The following TMEM132D variants were observed in gnomAD, a reference collection of about 807,000 sequenced individuals.
TMEM132D encodes the protein mature OL transmembrane protein.
In TMEM132D, 21 loss-of-function variants were observed where a neutral mutation model predicts 62.3. The ratio of observed to expected loss-of-function variants is 0.34; its 90% CI spans 0.24 to 0.49. The LOEUF is 0.49. Among genes scored for constraint, TMEM132D ranks in the 20% least tolerant of loss-of-function variants. The probability of loss-of-function intolerance (pLI) is 0.99; values close to 1 mark genes in which losing one functional copy is unlikely to be tolerated. For missense variants in TMEM132D, 1,346 were observed against 1,402.8 expected (o/e 0.96, Z 0.65); for synonymous variants, 621 against 575.6 (o/e 1.08, Z -1.13).
intron 5 of TMEM132D, among the ~76,000 whole-genome samples, chr12:129,097,230 G>A (rs937833374): frequency 5.9e-5 from 9 of 152,220 alleles, no homozygotes; most frequent in East Asian, 1.9e-4. Context: ...CAGCGGTGAC[G>A]ACCAACAGTG....
At chr12:129,533,950 G>T (rs1385133598) in intron 2 of TMEM132D, among the ~76,000 whole-genome samples, 1 of 152,202 alleles carries the variant, frequency 6.6e-6, no homozygotes, top group African/African-American at 2.4e-5. Context: ...TCATTCTTCG[G>T]AGATGTAGAC....
At chr12:129,464,111 T>C (rs1488701454) in intron 3 of TMEM132D, among the ~76,000 whole-genome samples, 1 of 149,512 alleles carries the variant, frequency 6.7e-6, no homozygotes, top group African/African-American at 2.5e-5. Flanking sequence ...AGTGTTCCTA[T>C]TTCTCCACAT....
At chr12:129,494,079 C>T (rs1319580552) in intron 3 of TMEM132D, among the ~76,000 whole-genome samples, 1 of 152,156 alleles carries the variant, frequency 6.6e-6, no homozygotes, top group Non-Finnish European at 1.5e-5. Context: ...TCCACGAACA[C>T]ACGCTCATCC....
At chr12:129,332,893 T>C (rs1048060753) in intron 4 of TMEM132D, among the ~76,000 whole-genome samples, 2 of 152,150 alleles carry the variant, frequency 1.3e-5, no homozygotes, top group Non-Finnish European at 2.9e-5. Context: ...TTGTGTTTAG[T>C]AGCTATAGTT....
intron 2 of TMEM132D, among the ~76,000 whole-genome samples, chr12:129,576,533 T>A (rs10773684): frequency 0.42 from 64,135 of 151,510 alleles, 15,130 homozygotes; most frequent in East Asian, 0.57. Flanking sequence ...TGTACATATA[T>A]CTGTTTACAT....
At chr12:129,687,451 G>A (rs1365223068) in intron 2 of TMEM132D, among the ~76,000 whole-genome samples, 1 of 152,042 alleles carries the variant, frequency 6.6e-6, no homozygotes. Context: ...CTGAGGAGGG[G>A]TAGTAGTTGT....
At chr12:129,484,362 G>A (rs1379486226) in intron 3 of TMEM132D, among the ~76,000 whole-genome samples, 1 of 152,178 alleles carries the variant, frequency 6.6e-6, no homozygotes, top group African/African-American at 2.4e-5. Flanking sequence ...ACTTGTCCAA[G>A]GGTAACTTTA....
At chr12:129,404,069 G>A (rs1871699130) in intron 3 of TMEM132D, among the ~76,000 whole-genome samples, 1 of 152,010 alleles carries the variant, frequency 6.6e-6, no homozygotes, top group East Asian at 1.9e-4. Context: ...AAGACTTGAG[G>A]TTTTACTTGA....
chr12:129,531,288 A>G, intron 2 of TMEM132D, 83 bp from the exon 3 acceptor site: 1 of 1,460,802 alleles, frequency 6.8e-7, no homozygotes, highest in South Asian at 1.5e-5. Flanking sequence ...GGGGAGCTTA[A>G]TTGCTCACCG....
chr12:129,621,749 CAA>C (rs1038724166), intron 2 of TMEM132D, among the ~76,000 whole-genome samples: 1 of 152,184 alleles, frequency 6.6e-6, no homozygotes, highest in Non-Finnish European at 1.5e-5. Context: ...CTATCTCCAA[CAA>C]AGAGTCTGAG....
chr12:129,364,739 C>T (rs1870352617), intron 3 of TMEM132D, among the ~76,000 whole-genome samples: 1 of 152,162 alleles, frequency 6.6e-6, no homozygotes, highest in South Asian at 2.1e-4. Context: ...ATCATTATTG[C>T]AGGTGTTGTT....
In TMEM132D at chr12:129,271,548, T is replaced by G. The variant is rs189492045; in HGVS notation, c.1300-61885A>C. The stretch of plus-strand genomic sequence containing the variant: ...ATGCATTAGGTATTTGTCCTAATGC[T>G]CTCCCTCCCCTTGCCCCCCACCCCC... On this transcript the variant is annotated intron_variant, in intron 4 of 8. Coordinates refer to ENST00000422113, the MANE Select transcript of TMEM132D (RefSeq NM_133448.3). Among the ~76,000 whole-genome samples the G allele has an allele frequency of 5.3e-3, 797 of 151,624 alleles. 30 individuals carry two copies. The highest frequency in any genetic ancestry group is 0.019 in the African/African-American group (768 of 41,028).
At position 129,903,905 on chromosome 12, in the gene TMEM132D, G is replaced by T. The variant is rs1298418788; in HGVS notation, c.-566C>A. 6.8e-6 allele frequency among the ~76,000 whole-genome samples: 1 copy of T among 147,094 alleles called. No homozygotes were observed. The highest frequency in any genetic ancestry group is 1.5e-5 in the Non-Finnish European group (1 of 66,120). On this transcript the variant is annotated 5_prime_UTR_variant, in exon 1 of 9. Transcript: ENST00000422113. The surrounding 1 kb of genome is among the most constrained non-coding windows in gnomAD (Gnocchi z 6.2). Reference sequence around the variant, plus strand: ...CCGGCCGCTGCGCCTCGGGGCTCGGGCGCGCGCGCGCTCCGGCACCCAAAG... The same window carrying T: ...CCGGCCGCTGCGCCTCGGGGCTCGGTCGCGCGCGCGCTCCGGCACCCAAAG...
chr12:129,425,216 T>C (rs975909165), intron 3 of TMEM132D, among the ~76,000 whole-genome samples: 1 of 152,344 alleles, frequency 6.6e-6, no homozygotes, highest in Admixed American at 6.5e-5. Flanking sequence ...AGGACGTTCA[T>C]GCGCAGGTTT....
intron 2 of TMEM132D, among the ~76,000 whole-genome samples, chr12:129,551,503 T>C (rs1876897642): frequency 6.6e-6 from 1 of 152,240 alleles, no homozygotes; most frequent in South Asian, 2.1e-4. Flanking sequence ...TCTGAGCCAA[T>C]AATTTAAAAT....
chr12:129,772,045 A>G (rs1205965991), intron 1 of TMEM132D, among the ~76,000 whole-genome samples: 3 of 152,132 alleles, frequency 2.0e-5, no homozygotes, highest in Non-Finnish European at 2.9e-5. Context: ...CCTAGGGGAG[A>G]ACTTGCCCAG....
At chr12:129,514,300 T>C (rs981403236) in intron 3 of TMEM132D, among the ~76,000 whole-genome samples, 6 of 152,208 alleles carry the variant, frequency 3.9e-5, no homozygotes, top group Non-Finnish European at 7.3e-5. Flanking sequence ...TTTCTTCTTT[T>C]TTCTCCCTTG....
At chr12:129,361,978 G>A (rs751257376) in intron 3 of TMEM132D, among the ~76,000 whole-genome samples, 1 of 152,282 alleles carries the variant, frequency 6.6e-6, no homozygotes, top group African/African-American at 2.4e-5. Flanking sequence ...AAAATTGAAG[G>A]AGCATTCACG....
Position 129,440,762 on chromosome 12 carries a change from C to T in TMEM132D, c.1115+90297G>A, listed in dbSNP as rs145751124. On this transcript the variant is annotated intron_variant, in intron 3 of 8. Transcript: ENST00000422113. Reference sequence around the variant, plus strand: ...CTCGAACGCTGACAATGGCAAGCTACGCAGGATGTATAGAGAGTTCTACAC... The same window carrying T: ...CTCGAACGCTGACAATGGCAAGCTATGCAGGATGTATAGAGAGTTCTACAC... Among the ~76,000 whole-genome samples the T allele has an allele frequency of 7.9e-5, 12 of 150,964 alleles. No individual in the cohort carries two copies. The East Asian group carries it at 9.8e-4, about 12-fold the overall frequency.
Sources: allele counts gnomAD v4.1 joint callset (sites outside exome capture counted in the v4.1 genomes callset), GRCh38; gene constraint gnomAD v4.1.1; non-coding constraint Gnocchi (gnomAD v3.1); transcripts MANE v1.5; gene names NCBI Gene and HGNC (gene_info 2026-07-23, HGNC 2026-07-21).